The following SERPINB4 variants were observed in gnomAD, a reference collection of about 807,000 sequenced individuals.
SERPINB4 encodes serpin B4.
A neutral mutation model predicts 33.2 loss-of-function variants in SERPINB4; 39 were observed. That is an observed-to-expected ratio of 1.18 (90% CI 0.91 to 1.53). SERPINB4 has a LOEUF of 1.53. Among genes scored for constraint, SERPINB4 ranks in the 40% most tolerant of loss-of-function variants. The pLI is 0.00. For missense variants in SERPINB4, 564 were observed against 455.4 expected (o/e 1.24, Z -2.17); for synonymous variants, 191 against 166.4 (o/e 1.15, Z -1.14).
At chr18:63,641,279 T>C (rs1379226939) in intron 4 of SERPINB4, among the ~76,000 whole-genome samples, 1 of 152,092 alleles carries the variant, frequency 6.6e-6, no homozygotes. Flanking sequence ...AGGAGATTCA[T>C]TGCTTCTCAG....
chr18:63,639,971 C>T (rs763135814), intron 5 of SERPINB4, among the ~76,000 whole-genome samples, 195 bp from the exon 6 acceptor site: 1 of 151,922 alleles, frequency 6.6e-6, no homozygotes, highest in Non-Finnish European at 1.5e-5. Context: ...AGGCTCCAGT[C>T]GTATAAAGTT....
rs1290205333 is a variant in SERPINB4, at chr18:63,639,655, C to A, written c.591G>T (p.Glu197Asp). 9.3e-6 allele frequency: 15 copies of A among 1,606,802 alleles called. No homozygotes were observed. In the Admixed American group the frequency reaches 1.7e-4, roughly 18 times the overall value. Residue 197 changes from glutamate to aspartate, a missense_variant, in exon 6 of 8, where the codon GAG (glutamate) becomes GAT (aspartate). Glu to Asp is a conservative substitution (Grantham distance 45, BLOSUM62 2). Coordinates refer to ENST00000341074, the MANE Select transcript of SERPINB4 (RefSeq NM_002974.4). Reference sequence around the variant, plus strand: ...ATACCTTGTTTGGCCAAAATTTTTCCTCTTTAGTGTTTTCTTTTTTAAATT... The same window carrying A: ...ATACCTTGTTTGGCCAAAATTTTTCATCTTTAGTGTTTTCTTTTTTAAATT... ...ENKFKKENTK[E>D]EKFWPNKNTY...
chr18:63,638,858 G>A (rs1279274525), intron 7 of SERPINB4, among the ~76,000 whole-genome samples: 1 of 149,956 alleles, frequency 6.7e-6, no homozygotes, highest in African/African-American at 2.4e-5. Context: ...TATACCTAAC[G>A]CTAAATGACG....
chr18:63,640,713 C>G (rs1454808408), intron 5 of SERPINB4, among the ~76,000 whole-genome samples, 161 bp downstream of exon 5: 4 of 151,990 alleles, frequency 2.6e-5, no homozygotes, highest in African/African-American at 4.8e-5. Flanking sequence ...CCTAGGCTCT[C>G]TTCATATTCA....
chr18:63,643,322 A>G, intron 2 of SERPINB4, 91 bp downstream of exon 2: 1 of 1,609,306 alleles, frequency 6.2e-7, no homozygotes, highest in Non-Finnish European at 8.5e-7. Flanking sequence ...TGTGCTACCC[A>G]TCAGACCACC....
At chr18:63,640,543 TA>T (rs1325098350) in intron 5 of SERPINB4, among the ~76,000 whole-genome samples, 4 of 152,074 alleles carry the variant, frequency 2.6e-5, no homozygotes, top group Non-Finnish European at 5.9e-5. Flanking sequence ...ATATTCATCA[TA>T]AAAATTTGAG....
intron 2 of SERPINB4, 32 bp downstream of exon 2, chr18:63,643,381 C>T (rs1761040634): frequency 6.2e-7 from 1 of 1,612,972 alleles, no homozygotes; most frequent in Non-Finnish European, 8.5e-7. Context: ...AGAAAAACTG[C>T]AACAGGACAA....
intron 5 of SERPINB4, among the ~76,000 whole-genome samples, chr18:63,640,125 C>T (rs1307703671): frequency 6.6e-6 from 1 of 152,048 alleles, no homozygotes; most frequent in African/African-American, 2.4e-5. Flanking sequence ...CTCCCTCCCT[C>T]CTCTTCCTAC....
intron 7 of SERPINB4, 127 bp downstream of exon 7, chr18:63,639,058 C>T: frequency 1.8e-6 from 2 of 1,116,126 alleles, no homozygotes; most frequent in South Asian, 4.4e-5. Context: ...GGTGAGTCAT[C>T]ATTCCTCATT....
chr18:63,638,588 T>G (rs979664582), intron 7 of SERPINB4, among the ~76,000 whole-genome samples: 1 of 151,982 alleles, frequency 6.6e-6, no homozygotes, highest in Non-Finnish European at 1.5e-5. Context: ...TTGTATTCCC[T>G]TTTCTACTCG....
chr18:63,639,848 G>A (rs1913068625), intron 5 of SERPINB4, 72 bp from the exon 6 acceptor site: 1 of 1,367,616 alleles, frequency 7.3e-7, no homozygotes, highest in Non-Finnish European at 1.0e-6. Flanking sequence ...CTTTGCAAAT[G>A]TTCGTGACTG....
intron 3 of SERPINB4, 132 bp from the exon 4 acceptor site, chr18:63,642,020 T>C (rs537533401): frequency 1.5e-6 from 2 of 1,348,636 alleles, no homozygotes; most frequent in African/African-American, 1.4e-5. Flanking sequence ...TCCCTGATAA[T>C]TGGTGTATTT....
chr18:63,637,805 A>C lies in SERPINB4; in HGVS notation c.1087T>G (p.Phe363Val), dbSNP rs1178473889. The C allele has an allele frequency of 1.2e-6, 2 of 1,613,296 alleles. No individual in the cohort carries two copies. The highest frequency in any genetic ancestry group is 2.7e-5 in the African/African-American group (2 of 74,790). The stretch of plus-strand genomic sequence containing the variant: ...AATAGGAAAGGGTGATTACAACAGA[A>C]CTCTTCATTAGTTGAAGGAGATGAT... ...ELSSPSTNEE[F>V]CCNHPFLFFI... The change falls in exon 8 of 8, where the codon TTC becomes GTC. Residue 363 changes from phenylalanine (F) to valine (V), a missense_variant. By Grantham distance (50) the Phe-to-Val change is conservative (BLOSUM62 -1). Coordinates refer to ENST00000341074, the MANE Select transcript of SERPINB4 (RefSeq NM_002974.4).
Position 63,637,838 on chromosome 18 carries a change from C to T in SERPINB4, c.1054G>A (p.Val352Ile), listed in dbSNP as rs757481168. 7 of 1,613,394 alleles carry T rather than the reference C, an allele frequency of 4.3e-6. No homozygotes were observed. In the Admixed American group the frequency reaches 1.0e-4, roughly 23 times the overall value. The change falls in exon 8 of 8, where the codon GTC (valine) becomes ATC (isoleucine). Residue 352 changes from valine to isoleucine, a missense_variant. Val to Ile is a conservative substitution (Grantham distance 29). Transcript: ENST00000341074. ...TTAGTTGAAGGAGATGATAATTCGA[C>T]TACTACTACAGCGGTGGCAGCTGCA... Reference protein sequence around the residue: ...EAAAATAVVVVELSSPSTNEE... With the variant: ...EAAAATAVVVIELSSPSTNEE...
At chr18:63,641,958 G>A (rs184724395) in intron 3 of SERPINB4, 70 bp from the exon 4 acceptor site, 3 of 1,596,384 alleles carry the variant, frequency 1.9e-6, no homozygotes, top group Non-Finnish European at 2.6e-6. Context: ...TGCTAAGTCT[G>A]TTAGATCAGT....
At chr18:63,640,199 A>T (rs1054156478) in intron 5 of SERPINB4, among the ~76,000 whole-genome samples, 2 of 151,762 alleles carry the variant, frequency 1.3e-5, no homozygotes, top group Non-Finnish European at 2.9e-5. Flanking sequence ...GCATTTTAGG[A>T]TGAGTGACTT....
chr18:63,643,556 T>C lies in SERPINB4; in HGVS notation c.22A>G (p.Asn8Asp). The C allele has an allele frequency of 6.2e-7, 1 of 1,613,606 alleles. No individual in the cohort carries two copies. Among genetic ancestry groups the C allele is most frequent in the South Asian group, 1.1e-5 (1 of 91,066 alleles). ...AACAGATCGAACATGAACTTGGTGT[T>C]GGCTTCACTGAGTGAATTCATGGTG... The part of the protein sequence containing the change: MNSLSEA[N>D]TKFMFDLFQQ... Residue 8 changes from asparagine (N) to aspartate (D), a missense_variant, in exon 2 of 8, where the codon AAC becomes GAC. Physicochemically the swap from Asn to Asp is conservative, Grantham distance 23. Transcript: ENST00000341074.
Position 63,640,899 on chromosome 18 carries a change from G to A in SERPINB4, c.444C>T (p.Asn148=), listed in dbSNP as rs140278212. 56 of 1,612,680 alleles carry A rather than the reference G, an allele frequency of 3.5e-5. No individual in the cohort carries two copies. The Middle Eastern group carries it at 1.3e-3, about 38-fold the overall frequency. Residue 148 remains asparagine (N), a synonymous_variant, in exon 5 of 8, where the codon AAC becomes AAT. Transcript: ENST00000341074. ...NAPEESRKKI[N]SWVESQTNEK... ...CATTCGTTTGACTTTCCACCCAGGA[G>A]TTAATCTTCTTTCGACTTTCTTCTG...
intron 6 of SERPINB4, 99 bp from the exon 7 acceptor site, chr18:63,639,439 T>G: frequency 8.0e-7 from 1 of 1,257,180 alleles, no homozygotes; most frequent in East Asian, 2.5e-5. Context: ...TTCTAAGAAA[T>G]AACCCAGGAA....
Sources: gnomAD v4.1 joint callset for allele counts (sites outside exome capture counted in the v4.1 genomes callset) on GRCh38, gnomAD v4.1.1 for gene constraint, MANE v1.5 for transcripts, NCBI Gene and HGNC (gene_info 2026-07-23, HGNC 2026-07-21) for gene names.